Variants in CNTN6 observed in about 807,000 individuals in gnomAD.
CNTN6 encodes the protein contactin-6.
Under a neutral mutation model 122.8 loss-of-function variants are expected in CNTN6, and 137 were observed. That is an observed-to-expected ratio of 1.12 (90% confidence interval 0.97 to 1.29). CNTN6 has a LOEUF of 1.29. Among genes scored for constraint, CNTN6 ranks in the 50% most tolerant of loss-of-function variants. CNTN6 has a pLI of 0.00. For missense variants in CNTN6, 1,634 were observed against 1,223.4 expected, an observed-to-expected ratio of 1.34 and a Z score of -5.01; for synonymous variants, 570 against 426.0, an observed-to-expected ratio of 1.34 and a Z score of -4.16.
chr3:1,328,864 A>G (rs1205637960), intron 10 of CNTN6, among the ~76,000 whole-genome samples: 2 of 151,766 alleles, frequency 1.3e-5, no homozygotes, highest in Admixed American at 6.6e-5. Flanking sequence ...AGGCACCCTG[A>G]TAGCCTAATA....
intron 1 of CNTN6, among the ~76,000 whole-genome samples, chr3:1,142,857 T>C (rs993632174): frequency 7.9e-5 from 12 of 151,824 alleles, no homozygotes; most frequent in African/African-American, 2.9e-4. Context: ...TGTATTTCTA[T>C]ATATTTATAA....
chr3:1,102,597 C>G (rs902701184), intron 1 of CNTN6, among the ~76,000 whole-genome samples: 2 of 147,576 alleles, frequency 1.4e-5, no homozygotes. Context: ...GGCGTGGTGG[C>G]GGCGCCTGTA....
intron 2 of CNTN6, among the ~76,000 whole-genome samples, chr3:1,194,680 T>C (rs972604468): frequency 1.3e-5 from 2 of 152,128 alleles, no homozygotes; most frequent in African/African-American, 2.4e-5. Context: ...ATTGTTTATC[T>C]GTATATATCT....
chr3:1,169,724 A>G (rs1156715900), intron 2 of CNTN6, among the ~76,000 whole-genome samples: 7 of 152,224 alleles, frequency 4.6e-5, no homozygotes, highest in Admixed American at 4.6e-4. Flanking sequence ...TTATGTAGAT[A>G]GCCTGCAAAG....
At chr3:1,211,647 C>A (rs893851624) in intron 2 of CNTN6, among the ~76,000 whole-genome samples, 1 of 152,110 alleles carries the variant, frequency 6.6e-6, no homozygotes, top group African/African-American at 2.4e-5. Flanking sequence ...TGTTCCCCCC[C>A]ACCCTCTCTC....
intron 4 of CNTN6, among the ~76,000 whole-genome samples, chr3:1,264,833 G>A (rs950651586): frequency 1.3e-5 from 2 of 151,770 alleles, no homozygotes; most frequent in Admixed American, 1.3e-4. Flanking sequence ...CTGAAACTTC[G>A]CACTGTTTGA....
intron 11 of CNTN6, among the ~76,000 whole-genome samples, chr3:1,339,762 C>T (rs1703617528): frequency 1.3e-5 from 2 of 152,094 alleles, no homozygotes; most frequent in South Asian, 4.1e-4. Context: ...CCCGTGAGTC[C>T]TCTAAATGCA....
At chr3:1,335,540 G>A (rs781130317) in intron 11 of CNTN6, among the ~76,000 whole-genome samples, 10 of 152,152 alleles carry the variant, frequency 6.6e-5, no homozygotes, top group Non-Finnish European at 1.5e-4. Context: ...ACCTATTCAG[G>A]AATCACCTCC....
chr3:1,150,358 AATT>A (rs1014437210), intron 2 of CNTN6, among the ~76,000 whole-genome samples: 96 of 152,278 alleles, frequency 6.3e-4, no homozygotes, highest in African/African-American at 2.2e-3. Context: ...TTGCTATTTG[AATT>A]ATTATAATTT....
chr3:1,267,366 G>T (rs1365402362), intron 4 of CNTN6, among the ~76,000 whole-genome samples: 1 of 151,932 alleles, frequency 6.6e-6, no homozygotes, highest in African/African-American at 2.4e-5. Context: ...ATGTGGTCTT[G>T]AGCACATTGC....
At chr3:1,199,315 G>C (rs188781389) in intron 2 of CNTN6, among the ~76,000 whole-genome samples, 1 of 151,706 alleles carries the variant, frequency 6.6e-6, no homozygotes, top group Non-Finnish European at 1.5e-5. Context: ...TAGTAGCTGG[G>C]ACTACAGGTG....
intron 2 of CNTN6, among the ~76,000 whole-genome samples, chr3:1,158,949 TATATACACACACACACACAC>T (rs2093056044): frequency 2.6e-5 from 3 of 114,102 alleles, no homozygotes; most frequent in African/African-American, 7.2e-5. Flanking sequence ...CACATATATA[TATATACACACACACACACAC>T]ATATATATAT....
intron 11 of CNTN6, among the ~76,000 whole-genome samples, chr3:1,330,278 A>T (rs1014147893): frequency 2.0e-5 from 3 of 151,930 alleles, no homozygotes; most frequent in Non-Finnish European, 4.4e-5. Context: ...CAAAGGAGAG[A>T]GACACTCATT....
chr3:1,343,543 A>G (rs1012604206), intron 11 of CNTN6, among the ~76,000 whole-genome samples: 2 of 152,210 alleles, frequency 1.3e-5, no homozygotes, highest in Non-Finnish European at 2.9e-5. Flanking sequence ...TAATATTGAC[A>G]AATATACATC....
chr3:1,285,145 C>G (rs1220772634), intron 5 of CNTN6, among the ~76,000 whole-genome samples: 1 of 152,054 alleles, frequency 6.6e-6, no homozygotes, highest in Non-Finnish European at 1.5e-5. Flanking sequence ...TGACTTGGAC[C>G]AGGTGGATTG....
intron 7 of CNTN6, among the ~76,000 whole-genome samples, chr3:1,306,595 C>G (rs923619982): frequency 6.6e-6 from 1 of 152,082 alleles, no homozygotes; most frequent in Non-Finnish European, 1.5e-5. Flanking sequence ...TTGTCAATAG[C>G]TGGATGACTT....
At chr3:1,263,589 G>C (rs13325872) in intron 4 of CNTN6, among the ~76,000 whole-genome samples, 28,505 of 152,018 alleles carry the variant, frequency 0.19, 3,518 homozygotes, top group African/African-American at 0.35. Flanking sequence ...TTGGTCTTTT[G>C]CTCTCTTCAA....
chr3:1,235,958 T>C (rs1400531218), intron 4 of CNTN6, among the ~76,000 whole-genome samples: 1 of 152,010 alleles, frequency 6.6e-6, no homozygotes, highest in Non-Finnish European at 1.5e-5. Context: ...CTCACTTCCC[T>C]GGTGAACTGT....
intron 4 of CNTN6, among the ~76,000 whole-genome samples, chr3:1,273,194 C>T (rs903752496): frequency 6.6e-6 from 1 of 152,192 alleles, no homozygotes; most frequent in Non-Finnish European, 1.5e-5. Context: ...CAGCAACCAG[C>T]ACTGCAGGAT....
Sources: allele counts gnomAD v4.1 joint callset (sites outside exome capture counted in the v4.1 genomes callset), GRCh38; gene constraint gnomAD v4.1.1; transcripts MANE v1.5; gene names NCBI Gene and HGNC (gene_info 2026-07-23, HGNC 2026-07-21).